The following PTGFRN variants were observed in gnomAD, a reference collection of about 807,000 sequenced individuals.
PTGFRN encodes the protein prostaglandin F2 receptor inhibitor.
PTGFRN carries 35 observed loss-of-function variants against 83.2 expected under a neutral mutation model. The observed-to-expected ratio is 0.42, with a 90% confidence interval of 0.32 to 0.56. The LOEUF is 0.56. PTGFRN is among the 20% of genes least tolerant of loss of function. The probability of loss-of-function intolerance (pLI) is 0.11; values close to 1 mark genes in which losing one functional copy is unlikely to be tolerated. For missense variants in PTGFRN, 1,051 were observed against 1,179.5 expected, an observed-to-expected ratio of 0.89 and a Z score of 1.60; for synonymous variants, 519 against 498.6, an observed-to-expected ratio of 1.04 and a Z score of -0.55.
chr1:116,950,249 A>G (rs1488964534), intron 4 of PTGFRN, among the ~76,000 whole-genome samples: 1 of 152,072 alleles, frequency 6.6e-6, no homozygotes, highest in Admixed American at 6.5e-5. Flanking sequence ...CTTTTCCCCT[A>G]CCTCTTTTTT....
intron 5 of PTGFRN, among the ~76,000 whole-genome samples, chr1:116,963,316 C>T (rs950742720): frequency 1.3e-5 from 2 of 152,256 alleles, no homozygotes; most frequent in African/African-American, 4.8e-5. Flanking sequence ...CCTCCTCCCA[C>T]AGCTTCTCTC....
At position 116,910,239 on chromosome 1, in the gene PTGFRN, G is replaced by T. The variant is rs998306592; in HGVS notation, c.36G>T (p.Ala12=). 9.6e-6 allele frequency: 14 copies of T among 1,455,022 alleles called. No homozygotes were observed. Among genetic ancestry groups the T allele is most frequent in the Middle Eastern group, 2.3e-4 (1 of 4,406 alleles). The allele number at this position is 1,455,022 out of a possible 1,614,324, so 90.1% of individuals were successfully genotyped here. The change falls in exon 1 of 9, where the codon GCG becomes GCT. Residue 12 remains alanine, a synonymous_variant. Transcript: ENST00000393203. ...TGGCCTCGAGGCCGCTGCTGCTGGCGCTCCTGTCGTTGGGTGAGTGTGCGC... is the reference window on the plus strand; with the variant it reads ...TGGCCTCGAGGCCGCTGCTGCTGGCTCTCCTGTCGTTGGGTGAGTGTGCGC... ...GRLASRPLLL[A]LLSLALCRGR...
intron 3 of PTGFRN, among the ~76,000 whole-genome samples, chr1:116,946,750 A>C (rs1427614926): frequency 6.6e-6 from 1 of 152,234 alleles, no homozygotes; most frequent in Non-Finnish European, 1.5e-5. Context: ...AATTCATAAA[A>C]TACAGTACAC....
At chr1:116,976,716 G>A (rs1051414415) in intron 7 of PTGFRN, among the ~76,000 whole-genome samples, 3 of 152,176 alleles carry the variant, frequency 2.0e-5, no homozygotes, top group Non-Finnish European at 4.4e-5. Context: ...AAGAGCTCCT[G>A]AAGGAAGCAC....
At chr1:116,917,371 A>G (rs773966911) in intron 1 of PTGFRN, among the ~76,000 whole-genome samples, 1 of 152,194 alleles carries the variant, frequency 6.6e-6, no homozygotes, top group Non-Finnish European at 1.5e-5. Context: ...GTGGCAAAGG[A>G]CAGGCTGAAG....
chr1:116,949,349 G>C lies in PTGFRN; in HGVS notation c.990G>C (p.Val330=). The change falls in exon 4 of 9, where the codon GTG becomes GTC. Residue 330 remains valine, a synonymous_variant. Coordinates refer to ENST00000393203, the MANE Select transcript of PTGFRN (RefSeq NM_020440.4). ...ACAGCACCCTACCTGGCTCCCGCGT[G>C]TTGGCGCGGCTTGACCGTGATTCCC... The part of the protein sequence containing the change: ...MPDSTLPGSR[V]LARLDRDSLV... The C allele has an allele frequency of 6.2e-7, 1 of 1,614,280 alleles. No homozygotes were observed. The highest frequency in any genetic ancestry group is 1.1e-5 in the South Asian group (1 of 91,090).
chr1:116,912,918 T>G (rs574416112), intron 1 of PTGFRN, among the ~76,000 whole-genome samples: 1 of 152,342 alleles, frequency 6.6e-6, no homozygotes, highest in South Asian at 2.1e-4. Flanking sequence ...GAAGCCTTCC[T>G]AAGCCTACCT....
rs893409679 is a variant in PTGFRN, at chr1:116,918,078, C to G, written c.49+7826C>G. 6.6e-6 allele frequency among the ~76,000 whole-genome samples: 1 copy of G among 152,202 alleles called. No homozygotes were observed. Among genetic ancestry groups the G allele is most frequent in the Non-Finnish European group, 1.5e-5 (1 of 68,036 alleles). ...GGGACTCTTGCATTTTATAATCCAT[C>G]TTTCTCTTATTCACATTAGCTAAGA... On this transcript the variant is annotated intron_variant, in intron 1 of 8. Transcript: ENST00000393203. This position sits in a 1 kb window ranked among gnomAD's most constrained non-coding sequence, Gnocchi z 4.1.
At chr1:116,942,250 T>C (rs1046713781) in intron 2 of PTGFRN, among the ~76,000 whole-genome samples, 167 bp downstream of exon 2, 1 of 152,142 alleles carries the variant, frequency 6.6e-6, no homozygotes, top group Non-Finnish European at 1.5e-5. Flanking sequence ...TAAAAATCAT[T>C]GTTATCTGAT....
intron 4 of PTGFRN, among the ~76,000 whole-genome samples, chr1:116,956,943 C>T (rs144053049): frequency 6.6e-6 from 1 of 151,704 alleles, no homozygotes; most frequent in Admixed American, 6.5e-5. Context: ...ATGTGCGAGA[C>T]TTAGGAACCC....
In PTGFRN at chr1:116,958,673, T is replaced by C. The variant is rs904666845; in HGVS notation, c.1214-2570T>C. Among the ~76,000 whole-genome samples, 2 of 152,306 alleles carry C rather than the reference T, an allele frequency of 1.3e-5. No homozygotes were observed. The highest frequency in any genetic ancestry group is 1.3e-4 in the Admixed American group (2 of 15,304). ...TAACCCTCACAATAACATTATGAGCTAGTTACTGTCATCCCCATTTGTATG... is the reference window on the plus strand; with the variant it reads ...TAACCCTCACAATAACATTATGAGCCAGTTACTGTCATCCCCATTTGTATG... On this transcript the variant is annotated intron_variant, in intron 4 of 8. Transcript: ENST00000393203. This position sits in a 1 kb window ranked among gnomAD's most constrained non-coding sequence, Gnocchi z 4.9.
chr1:116,959,965 C>G (rs1051086831), intron 4 of PTGFRN, among the ~76,000 whole-genome samples: 27 of 135,458 alleles, frequency 2.0e-4, no homozygotes, highest in African/African-American at 6.8e-4. Context: ...TAAGACTGTC[C>G]AAAAAAAAAA....
At chr1:116,951,911 T>C (rs964088817) in intron 4 of PTGFRN, among the ~76,000 whole-genome samples, 26 of 152,178 alleles carry the variant, frequency 1.7e-4, no homozygotes, top group African/African-American at 5.5e-4. Flanking sequence ...TTGGGACCAA[T>C]ATAAGGTAAC....
At position 116,952,346 on chromosome 1, in the gene PTGFRN, A is replaced by G. The variant is rs766398298; in HGVS notation, c.1213+2774A>G. On this transcript the variant is annotated intron_variant, in intron 4 of 8. Coordinates refer to ENST00000393203, the MANE Select transcript of PTGFRN (RefSeq NM_020440.4). This position sits in a 1 kb window ranked among gnomAD's most constrained non-coding sequence, Gnocchi z 4.0. Reference sequence around the variant, plus strand: ...CTGTGCTAAGCAGGAAGACGGGGCAATGACATGAATGGGCCTGGCAAGTCC... The same window carrying G: ...CTGTGCTAAGCAGGAAGACGGGGCAGTGACATGAATGGGCCTGGCAAGTCC... Among the ~76,000 whole-genome samples, 66 of 152,298 alleles carry G rather than the reference A, an allele frequency of 4.3e-4. No individual in the cohort carries two copies. Among genetic ancestry groups the G allele is most frequent in the African/African-American group, 1.5e-3 (63 of 41,564 alleles).
intron 6 of PTGFRN, among the ~76,000 whole-genome samples, chr1:116,973,251 C>T (rs571784940): frequency 6.6e-6 from 1 of 152,234 alleles, no homozygotes; most frequent in African/African-American, 2.4e-5. Context: ...TTTAGGTTCC[C>T]AGCTTTTCAG....
In PTGFRN at chr1:116,952,647, A is replaced by G. The variant is rs1650380288; in HGVS notation, c.1213+3075A>G. 6.6e-6 allele frequency among the ~76,000 whole-genome samples: 1 copy of G among 152,194 alleles called. No individual in the cohort carries two copies. Among genetic ancestry groups the G allele is most frequent in the African/African-American group, 2.4e-5 (1 of 41,456 alleles). ...CTGAAGAGTTGAGACAAAAAAAAAG[A>G]TGTGATTATACAGTTCTCCTCTGAG... On this transcript the variant is annotated intron_variant, in intron 4 of 8. Coordinates refer to ENST00000393203, the MANE Select transcript of PTGFRN (RefSeq NM_020440.4). The surrounding 1 kb of genome is among the most constrained non-coding windows in gnomAD (Gnocchi z 4.0).
intron 1 of PTGFRN, among the ~76,000 whole-genome samples, chr1:116,931,898 C>A (rs1224240598): frequency 6.6e-6 from 1 of 152,098 alleles, no homozygotes; most frequent in Non-Finnish European, 1.5e-5. Context: ...GAATTAGGCA[C>A]CCATTTACAA....
intron 1 of PTGFRN, among the ~76,000 whole-genome samples, chr1:116,911,836 C>T (rs1287604473): frequency 1.3e-5 from 2 of 152,198 alleles, no homozygotes; most frequent in African/African-American, 4.8e-5. Context: ...ACTTTTCACT[C>T]TGGGACCCTT....
chr1:116,961,301 C>T lies in PTGFRN; in HGVS notation c.1272C>T (p.Pro424=). The change falls in exon 5 of 9, where the codon CCC becomes CCT. Residue 424 remains proline, a synonymous_variant. Coordinates refer to ENST00000393203, the MANE Select transcript of PTGFRN (RefSeq NM_020440.4). The surrounding 1 kb of genome is among the most constrained non-coding windows in gnomAD (Gnocchi z 5.4). ...AGGTCCCCGGGTTTGCGGATGACCCCACAGAGCTGGCATGCCGGGTGGTGG... is the reference window on the plus strand; with the variant it reads ...AGGTCCCCGGGTTTGCGGATGACCCTACAGAGCTGGCATGCCGGGTGGTGG... ...ASKVPGFADD[P]TELACRVVDT... The T allele has an allele frequency of 6.4e-7, 1 of 1,552,544 alleles. No homozygotes were observed. Among genetic ancestry groups the T allele is most frequent in the Non-Finnish European group, 8.7e-7 (1 of 1,147,808 alleles).
Sources: gnomAD v4.1 joint callset for allele counts (sites outside exome capture counted in the v4.1 genomes callset) on GRCh38, gnomAD v4.1.1 for gene constraint, Gnocchi (gnomAD v3.1) non-coding constraint, MANE v1.5 for transcripts, NCBI Gene and HGNC (gene_info 2026-07-23, HGNC 2026-07-21) for gene names.